Variants in GLOD4 observed in about 807,000 individuals in gnomAD.
GLOD4 encodes glyoxalase domain containing 4.
A neutral mutation model predicts 39.1 loss-of-function variants in GLOD4; 44 were observed. The observed-to-expected ratio is 1.13, with a 90% CI of 0.88 to 1.45. GLOD4 has a LOEUF of 1.45. Among genes scored for constraint, GLOD4 ranks in the 40% most tolerant of loss-of-function variants. The pLI is 0.00. For missense variants in GLOD4, 405 were observed against 366.4 expected (o/e 1.11, Z -0.86); for synonymous variants, 145 against 135.0 (o/e 1.07, Z -0.52).
intron 8 of GLOD4, among the ~76,000 whole-genome samples, chr17:761,048 G>C (rs751802783): frequency 2.6e-5 from 4 of 152,214 alleles, no homozygotes; most frequent in Non-Finnish European, 4.4e-5. Context: ...TAGTCAAAAA[G>C]AGCCAGGTAC....
upstream of GLOD4, chr17:782,794 G>A (rs1236600779): frequency 2.4e-6 from 3 of 1,266,712 alleles, no homozygotes; most frequent in South Asian, 1.5e-5. Flanking sequence ...AGTACAGCCC[G>A]CTGGTTTTTG....
rs1189320386 is a variant in GLOD4, at chr17:763,379, G to A, written c.832-3141C>T. On this transcript the variant is annotated intron_variant, in intron 8 of 8. Transcript: ENST00000301329. ...AAAAATTAGCTGGACATGGTGGCGG[G>A]TGCCTGTAATCCCAGCTACTCGGGA... Among the ~76,000 whole-genome samples the A allele has an allele frequency of 1.0e-3, 157 of 151,624 alleles. 2 individuals are homozygous for A. Among genetic ancestry groups the A allele is most frequent in the African/African-American group, 3.7e-3 (153 of 41,320 alleles).
chr17:776,515 C>A (rs1217254956), intron 3 of GLOD4, among the ~76,000 whole-genome samples: 1 of 152,160 alleles, frequency 6.6e-6, no homozygotes, highest in African/African-American at 2.4e-5. Context: ...TCAAAGTCCG[C>A]CAATGGCTCA....
At chr17:785,296 CAA>C (rs983951209), upstream of GLOD4, among the ~76,000 whole-genome samples, 1 of 152,176 alleles carries the variant, frequency 6.6e-6, no homozygotes, top group Non-Finnish European at 1.5e-5. Flanking sequence ...TTCATGTACT[CAA>C]AGCCATTTTT....
chr17:775,582 T>C (rs985368762), intron 4 of GLOD4, among the ~76,000 whole-genome samples, 193 bp downstream of exon 4: 1 of 152,174 alleles, frequency 6.6e-6, no homozygotes, highest in Non-Finnish European at 1.5e-5. Context: ...ACAGAACTAG[T>C]CTAGATCCCC....
chr17:782,287 C>A, upstream of GLOD4: 1 of 1,612,024 alleles, frequency 6.2e-7, no homozygotes, highest in Non-Finnish European at 8.5e-7. Flanking sequence ...TCACGCGCAC[C>A]GTACAGCCCA....
chr17:781,714 A>G (rs1302603169), intron 1 of GLOD4: 1 of 157,578 alleles, frequency 6.3e-6, no homozygotes, highest in Non-Finnish European at 1.4e-5. Context: ...GTTGGAGCAT[A>G]TATTCAGAGA....
intron 6 of GLOD4, 53 bp from the exon 7 acceptor site, chr17:770,210 C>T (rs776883388): frequency 1.3e-4 from 121 of 952,018 alleles, no homozygotes; most frequent in African/African-American, 3.1e-4. Context: ...ACTCAGGACA[C>T]GGCCCTCGTC....
chr17:775,586 G>A (rs911149067), intron 4 of GLOD4, among the ~76,000 whole-genome samples, 189 bp downstream of exon 4: 3 of 152,130 alleles, frequency 2.0e-5, no homozygotes, highest in African/African-American at 7.2e-5. Flanking sequence ...AACTAGTCTA[G>A]ATCCCCTACT....
At chr17:769,291 C>T (rs540793106) in intron 8 of GLOD4, among the ~76,000 whole-genome samples, 18 of 140,934 alleles carry the variant, frequency 1.3e-4, no homozygotes, top group Admixed American at 2.8e-4. Context: ...CTGAGGGGAA[C>T]GGATGGAGGC....
chr17:775,672 T>A, intron 4 of GLOD4, 103 bp downstream of exon 4: 1 of 900,940 alleles, frequency 1.1e-6, no homozygotes, highest in East Asian at 2.4e-5. Flanking sequence ...GGAAGACACG[T>A]CACGTGAACA....
intron 4 of GLOD4, among the ~76,000 whole-genome samples, chr17:772,136 C>A (rs1908063828): frequency 7.1e-6 from 1 of 141,404 alleles, no homozygotes; most frequent in African/African-American, 2.7e-5. Flanking sequence ...CTGCAGTGAG[C>A]CAAGACTGCA....
At chr17:763,607 AT>A (rs1905929515) in intron 8 of GLOD4, 1 of 152,232 alleles carries the variant, frequency 6.6e-6, no homozygotes, top group Non-Finnish European at 1.5e-5. Context: ...ATTTATTTAC[AT>A]ATTTTTAGTA....
rs868326115 is a variant in GLOD4, at chr17:763,178, G to A, written c.832-2940C>T. Among the ~76,000 whole-genome samples the A allele has an allele frequency of 2.7e-3, 294 of 109,562 alleles. 1 individual carries two copies. The highest frequency in any genetic ancestry group is 8.7e-3 in the African/African-American group (272 of 31,336). 71.9% of individuals were successfully genotyped at this position (109,562 alleles called of 152,430 possible). On this transcript the variant is annotated intron_variant, in intron 8 of 8. Transcript: ENST00000301329. ...AGCCTGGGCGACAGAGCGAGACTCC[G>A]TCTAAAAAAAAAAAAAAAAAATCAG...
chr17:774,820 G>A (rs990653469), intron 4 of GLOD4, among the ~76,000 whole-genome samples: 12 of 152,176 alleles, frequency 7.9e-5, no homozygotes, highest in African/African-American at 2.4e-4. Context: ...TGTCACCCCA[G>A]CACTTTGGGA....
At chr17:778,534 G>A (rs967117603) in intron 2 of GLOD4, 161 bp downstream of exon 2, 2 of 661,962 alleles carry the variant, frequency 3.0e-6, no homozygotes, top group African/African-American at 1.8e-5. Flanking sequence ...TCATGAGAGT[G>A]CAGAGAAACA....
chr17:779,624 G>C (rs1315001651), intron 1 of GLOD4, among the ~76,000 whole-genome samples: 2 of 149,170 alleles, frequency 1.3e-5, no homozygotes, highest in African/African-American at 4.9e-5. Context: ...GGTGACAAGA[G>C]CAAAACTCAA....
chr17:776,236 T>A (rs2750010), intron 3 of GLOD4, among the ~76,000 whole-genome samples: 29,929 of 152,212 alleles, frequency 0.2, 3,459 homozygotes, highest in East Asian at 0.46. Flanking sequence ...GCCAGCTAGC[T>A]ACCTATTTAA....
chr17:767,994 C>T (rs626615), intron 8 of GLOD4, among the ~76,000 whole-genome samples: 279 of 69,048 alleles, frequency 4.0e-3, no homozygotes, highest in Middle Eastern at 0.028. Context: ...CTGGAGAGGA[C>T]GTGAGAGAGA....
Sources: gnomAD v4.1 joint callset for allele counts (sites outside exome capture counted in the v4.1 genomes callset) on GRCh38, gnomAD v4.1.1 for gene constraint, MANE v1.5 for transcripts, NCBI Gene and HGNC (gene_info 2026-07-23, HGNC 2026-07-21) for gene names.